MEGF9: variants seen among roughly 807,000 people sequenced by gnomAD.
MEGF9 encodes the protein multiple epidermal growth factor-like domains protein 9.
Under a neutral mutation model 46.8 loss-of-function variants are expected in MEGF9, and 6 were observed. The ratio of observed to expected loss-of-function variants is 0.13; its 90% CI spans 0.07 to 0.25. The LOEUF (loss-of-function observed/expected upper bound fraction) is 0.25. Ranked by LOEUF, MEGF9 falls within the 10% of genes least tolerant of loss-of-function variation. The pLI is 1.00. For synonymous variants in MEGF9, 302 were observed against 330.7 expected (o/e 0.91, Z 0.94); for missense variants, 683 against 792.4 (o/e 0.86, Z 1.66).
At chr9:120,620,587 A>G (rs916840325) in intron 3 of MEGF9, among the ~76,000 whole-genome samples, 2 of 152,232 alleles carry the variant, frequency 1.3e-5, no homozygotes, top group Non-Finnish European at 2.9e-5. Flanking sequence ...AGCCTAGAGC[A>G]TCAGGAAATG....
chr9:120,605,494 G>C lies in MEGF9; in HGVS notation c.1505C>G (p.Thr502Ser), dbSNP rs1375141505. 1.2e-6 allele frequency: 2 copies of C among 1,614,048 alleles called. No homozygotes were observed. The highest frequency in any genetic ancestry group is 4.5e-5 in the East Asian group (2 of 44,888). Reference sequence around the variant, plus strand: ...CCATGATACATCAGCTAAAGCTGAAGTGCTGTTTTCAGAAGTGCTTACTGA... The same window carrying C: ...CCATGATACATCAGCTAAAGCTGAACTGCTGTTTTCAGAAGTGCTTACTGA... The part of the protein sequence containing the change: ...IFSVSTSENS[T>S]SALADVSWTQ... The change falls in exon 6 of 6, where the codon ACT (threonine) becomes AGT (serine). Residue 502 changes from threonine (T) to serine (S), a missense_variant. By Grantham distance (58) the Thr-to-Ser change is moderately conservative. Coordinates refer to ENST00000373930, the MANE Select transcript of MEGF9 (RefSeq NM_001080497.3). This position sits in a 1 kb window ranked among gnomAD's most constrained non-coding sequence, Gnocchi z 4.0.
intron 1 of MEGF9, among the ~76,000 whole-genome samples, chr9:120,712,011 C>T (rs561990159): frequency 2.2e-4 from 33 of 152,298 alleles, no homozygotes; most frequent in African/African-American, 7.7e-4. Context: ...AATCCTAGAA[C>T]TTTGGGAGGC....
intron 1 of MEGF9, among the ~76,000 whole-genome samples, chr9:120,681,072 C>T (rs935941743): frequency 8.5e-5 from 13 of 152,150 alleles, no homozygotes; most frequent in Non-Finnish European, 1.6e-4. Context: ...TCCCCTTTAC[C>T]TTTCCCTCTG....
rs2043965252 is a variant in MEGF9, at chr9:120,713,913, G to A, written c.446C>T (p.Ser149Leu). The stretch of plus-strand genomic sequence containing the variant: ...GGTCGGCGCCGGGCCAGTGGTCGTC[G>A]AAAGGGTGGTCGGCGCGGGTCTGGT... ...APTRPAPTTL[S>L]TTTGPAPTTP... The change falls in exon 1 of 6, where the codon TCG becomes TTG. Residue 149 changes from serine (S) to leucine (L), a missense_variant. Ser to Leu is a moderately radical substitution (Grantham distance 145). This residue lies in a region of MEGF9 where 370 missense variants were observed against 371.3 expected (regional missense o/e 1.00). Transcript: ENST00000373930. The A allele has an allele frequency of 1.5e-6, 2 of 1,339,430 alleles. No individual in the cohort carries two copies. Among genetic ancestry groups the A allele is most frequent in the South Asian group, 2.1e-5 (1 of 47,146 alleles). 83.0% of individuals were successfully genotyped at this position (1,339,430 alleles called of 1,614,324 possible).
At chr9:120,697,811 C>T (rs940764939) in intron 1 of MEGF9, among the ~76,000 whole-genome samples, 7 of 152,066 alleles carry the variant, frequency 4.6e-5, no homozygotes, top group Admixed American at 4.6e-4. Flanking sequence ...TCACTGTGTA[C>T]ATCTCAGAAC....
At chr9:120,652,543 T>C (rs996384144) in intron 2 of MEGF9, among the ~76,000 whole-genome samples, 1 of 135,958 alleles carries the variant, frequency 7.4e-6, no homozygotes, top group African/African-American at 2.8e-5. Flanking sequence ...ATTCAACTAG[T>C]AGAGAGTTAT....
rs869214058 is a variant in MEGF9 at position 120,652,181 on chromosome 9, C to CAAAAA, written c.803+7188_803+7192dup. Among the ~76,000 whole-genome samples, 7 of 9,094 alleles carry CAAAAA rather than the reference C, an allele frequency of 7.7e-4. 1 individual carries two copies. Among genetic ancestry groups the CAAAAA allele is most frequent in the African/African-American group, 1.6e-3 (4 of 2,478 alleles). The allele number at this position is 9,094 out of a possible 152,430, so 6.0% of individuals were successfully genotyped here. A position where few individuals can be genotyped will look rare whatever the true frequency, so the allele number is the denominator to read the frequency against. ...ACACACACACACACACACACACACA[C>CAAAAA]AAAAAAAAAAAAAAAAAAAACAGGT... On this transcript the variant is annotated intron_variant, in intron 2 of 5. Transcript: ENST00000373930.
intron 1 of MEGF9, among the ~76,000 whole-genome samples, chr9:120,665,121 T>C (rs2043719296): frequency 6.6e-6 from 1 of 152,220 alleles, no homozygotes; most frequent in African/African-American, 2.4e-5. Context: ...TTTAGTACTA[T>C]CCAGCTATAA....
At chr9:120,658,390 T>G (rs752770023) in intron 2 of MEGF9, among the ~76,000 whole-genome samples, 1 of 152,238 alleles carries the variant, frequency 6.6e-6, no homozygotes, top group Non-Finnish European at 1.5e-5. Context: ...ATAAAGCACT[T>G]CTTTGTCAAG....
intron 2 of MEGF9, among the ~76,000 whole-genome samples, chr9:120,637,888 T>C (rs962683352): frequency 6.0e-5 from 9 of 149,834 alleles, no homozygotes; most frequent in Admixed American, 1.3e-4. Flanking sequence ...AGACAAAATA[T>C]AGGGTCTAGG....
chr9:120,644,822 T>C (rs1007390925), intron 2 of MEGF9, among the ~76,000 whole-genome samples: 7 of 152,236 alleles, frequency 4.6e-5, no homozygotes, highest in African/African-American at 7.2e-5. Flanking sequence ...AGTTGTGTGG[T>C]ATTTTTGTCT....
chr9:120,626,024 A>G (rs1234588841), intron 2 of MEGF9, among the ~76,000 whole-genome samples: 1 of 152,148 alleles, frequency 6.6e-6, no homozygotes, highest in Admixed American at 6.5e-5. Flanking sequence ...AAAAGAAAAA[A>G]AAAAGGCTGT....
intron 1 of MEGF9, among the ~76,000 whole-genome samples, chr9:120,672,330 C>T (rs182870907): frequency 6.6e-6 from 1 of 151,954 alleles, no homozygotes; most frequent in Non-Finnish European, 1.5e-5. Context: ...TAGCTCGACA[C>T]GTATAAAATC....
intron 2 of MEGF9, among the ~76,000 whole-genome samples, chr9:120,647,180 A>G (rs888111883): frequency 6.6e-6 from 1 of 151,858 alleles, no homozygotes; most frequent in African/African-American, 2.4e-5. Flanking sequence ...TACAGCTGAT[A>G]TCTAGTTAAT....
At chr9:120,652,291 A>G (rs752718210) in intron 2 of MEGF9, among the ~76,000 whole-genome samples, 12 of 150,200 alleles carry the variant, frequency 8.0e-5, no homozygotes, top group Non-Finnish European at 1.6e-4. Context: ...TTGAAGACCA[A>G]CCTGGGCAAC....
chr9:120,693,914 T>C (rs1414246457), intron 1 of MEGF9, among the ~76,000 whole-genome samples: 2 of 148,248 alleles, frequency 1.3e-5, no homozygotes, highest in Non-Finnish European at 3.0e-5. Context: ...ACTGTACAAA[T>C]CAATTAGGCT....
intron 1 of MEGF9, among the ~76,000 whole-genome samples, chr9:120,673,470 G>GA (rs2043759102): frequency 6.6e-6 from 1 of 151,212 alleles, no homozygotes; most frequent in Non-Finnish European, 1.5e-5. Flanking sequence ...AAAGAAAAAA[G>GA]AAAAAACCTA....
intron 2 of MEGF9, among the ~76,000 whole-genome samples, chr9:120,626,383 A>G (rs1273806284): frequency 6.6e-6 from 1 of 152,236 alleles, no homozygotes; most frequent in Non-Finnish European, 1.5e-5. Flanking sequence ...TTGTGGTAGT[A>G]ATGCTCAGTT....
At chr9:120,676,753 C>T (rs979797379) in intron 1 of MEGF9, among the ~76,000 whole-genome samples, 11 of 152,154 alleles carry the variant, frequency 7.2e-5, no homozygotes, top group African/African-American at 2.7e-4. Context: ...AACCTTATTA[C>T]TATTATAATA....
Sources: allele counts gnomAD v4.1 joint callset (sites outside exome capture counted in the v4.1 genomes callset), GRCh38; gene constraint gnomAD v4.1.1; regional missense constraint gnomAD v4.1.1; non-coding constraint Gnocchi (gnomAD v3.1); transcripts MANE v1.5; gene names NCBI Gene and HGNC (gene_info 2026-07-23, HGNC 2026-07-21).